The following EHBP1 variants were observed in gnomAD, a reference collection of about 807,000 sequenced individuals.
EHBP1 encodes EH domain-binding protein 1.
A neutral mutation model predicts 144.0 loss-of-function variants in EHBP1; 55 were observed. That is an observed-to-expected ratio of 0.38 (90% CI 0.31 to 0.48). EHBP1 has a LOEUF of 0.48. Among genes scored for constraint, EHBP1 ranks in the 20% least tolerant of loss-of-function variants. The pLI is 0.98. For synonymous variants in EHBP1, 469 were observed against 472.7 expected, an observed-to-expected ratio of 0.99 and a Z score of 0.10; for missense variants, 1,200 against 1,364.2, an observed-to-expected ratio of 0.88 and a Z score of 1.90.
intron 19 of EHBP1, among the ~76,000 whole-genome samples, chr2:63,012,281 A>G (rs1469499669): frequency 6.6e-6 from 1 of 152,060 alleles, no homozygotes; most frequent in African/African-American, 2.4e-5. Context: ...ACTGTGTCAT[A>G]TAGAAATGAT....
At position 62,996,693 on chromosome 2, in the gene EHBP1, A is replaced by G. The variant is rs751016844; in HGVS notation, c.3030A>G (p.Leu1010=). ...ATGTAGTAGGAGAATTGGCAGCACT[A>G]GAGAATGAGCAAAAGCAAATTGACA... The part of the protein sequence containing the change: ...SQYVVGELAA[L]ENEQKQIDTR... Residue 1010 remains leucine, a synonymous_variant, in exon 19 of 23, where the codon CTA becomes CTG. Transcript: ENST00000431489. The G allele has an allele frequency of 1.3e-5, 21 of 1,613,362 alleles. No homozygotes were observed. In the South Asian group the frequency reaches 2.1e-4, roughly 16 times the overall value.
In EHBP1 at chr2:62,948,693, C is replaced by T. The variant is rs2057209061; in HGVS notation, c.1847C>T (p.Thr616Ile). 2 of 1,614,012 alleles carry T rather than the reference C, an allele frequency of 1.2e-6. No homozygotes were observed. The highest frequency in any genetic ancestry group is 1.3e-5 in the African/African-American group (1 of 75,032). ...SPYCRRTKSD[T>I]EPQKSQQSSG... ...TACTGTCGCAGGACTAAAAGTGACA[C>T]AGAACCCCAGAAGTCTCAGCAGAGC... The change falls in exon 13 of 23, where the codon ACA becomes ATA. Residue 616 changes from threonine (T) to isoleucine (I), a missense_variant. This residue lies in a region of EHBP1 where 543 missense variants were observed against 513.1 expected (regional missense o/e 1.06). Transcript: ENST00000431489.
chr2:62,691,343 G>T (rs758953381), intron 1 of EHBP1, among the ~76,000 whole-genome samples: 2 of 152,160 alleles, frequency 1.3e-5, no homozygotes, highest in Admixed American at 6.5e-5. Context: ...GTCCAAGATA[G>T]TCGCTAAAGC....
upstream of EHBP1, among the ~76,000 whole-genome samples, chr2:62,704,654 T>G (rs1032137269): frequency 6.6e-6 from 1 of 152,232 alleles, no homozygotes; most frequent in African/African-American, 2.4e-5. Flanking sequence ...TCTTTCCCAT[T>G]TTACTCTGTT....
upstream of EHBP1, among the ~76,000 whole-genome samples, chr2:62,701,077 T>A (rs1572886541): frequency 6.6e-6 from 1 of 152,134 alleles, no homozygotes; most frequent in Admixed American, 6.5e-5. Context: ...TCTCATTACA[T>A]CCCCTCCAAG....
At chr2:63,044,279 A>AG (rs908844649) in intron 21 of EHBP1, 3 of 147,534 alleles carry the variant, frequency 2.0e-5, no homozygotes, top group African/African-American at 7.4e-5. Flanking sequence ...AAAAAAAAAA[A>AG]CGCCCCCCAT....
At position 62,996,676 on chromosome 2, in the gene EHBP1, G is replaced by A. The variant is rs1304729427; in HGVS notation, c.3013G>A (p.Gly1005Arg). Residue 1005 changes from glycine (G) to arginine (R), a missense_variant, in exon 19 of 23, where the codon GGA (glycine) becomes AGA (arginine). Coordinates refer to ENST00000431489, the MANE Select transcript of EHBP1 (RefSeq NM_001142616.3). ...GFKDTSQYVV[G>R]ELAALENEQK... ...CAAAGACACCAGTCAGTATGTAGTA[G>A]GAGAATTGGCAGCACTAGAGAATGA... The A allele has an allele frequency of 6.2e-7, 1 of 1,613,372 alleles. No homozygotes were observed. Among genetic ancestry groups the A allele is most frequent in the Non-Finnish European group, 8.5e-7 (1 of 1,179,600 alleles).
At chr2:62,696,858 C>A (rs1179209529) in intron 1 of EHBP1, among the ~76,000 whole-genome samples, 1 of 152,042 alleles carries the variant, frequency 6.6e-6, no homozygotes, top group Non-Finnish European at 1.5e-5. Flanking sequence ...AGAACACATA[C>A]AAGACAAAAA....
In EHBP1 at chr2:62,725,050, T is replaced by A. The variant is rs1349729935; in HGVS notation, c.104+17755T>A. ...AACTGACTTCATTTCTGGAAGATTT[T>A]AGGGGGCCAGTGCTCAGCTCCCAAC... On this transcript the variant is annotated intron_variant, in intron 2 of 22. Transcript: ENST00000431489. 2.6e-5 allele frequency among the ~76,000 whole-genome samples: 4 copies of A among 152,192 alleles called. No individual in the cohort carries two copies. In the East Asian group the frequency reaches 7.7e-4, roughly 29 times the overall value.
chr2:62,895,623 A>T (rs1264278918), intron 10 of EHBP1, among the ~76,000 whole-genome samples: 2 of 152,218 alleles, frequency 1.3e-5, no homozygotes, highest in Non-Finnish European at 2.9e-5. Flanking sequence ...ATCAGATTTC[A>T]ATAGAATGAA....
chr2:62,741,230 T>G (rs2152107451), intron 2 of EHBP1, among the ~76,000 whole-genome samples: 1 of 152,230 alleles, frequency 6.6e-6, no homozygotes, highest in South Asian at 2.1e-4. Flanking sequence ...GTTCTAGAGG[T>G]GAGAAGTATG....
upstream of EHBP1, chr2:62,705,627 A>T (rs1186697399): frequency 6.6e-6 from 1 of 151,958 alleles, no homozygotes; most frequent in East Asian, 1.9e-4. Flanking sequence ...CCGCTGTAAG[A>T]CCCGGCCGCC....
intron 21 of EHBP1, among the ~76,000 whole-genome samples, chr2:63,043,208 A>C (rs1035135851): frequency 1.3e-5 from 2 of 152,222 alleles, no homozygotes; most frequent in African/African-American, 4.8e-5. Context: ...AACCAGATTA[A>C]AAAATTTTCC....
At chr2:62,865,297 A>G (rs1573792807) in intron 9 of EHBP1, among the ~76,000 whole-genome samples, 1 of 152,306 alleles carries the variant, frequency 6.6e-6, no homozygotes, top group Non-Finnish European at 1.5e-5. Flanking sequence ...AACTCTGTAG[A>G]CATTAAACTT....
intron 10 of EHBP1, among the ~76,000 whole-genome samples, chr2:62,925,979 A>G (rs1668672281): frequency 6.6e-6 from 1 of 152,190 alleles, no homozygotes; most frequent in Non-Finnish European, 1.5e-5. Context: ...AGCTGGACGT[A>G]TAACACTACC....
At chr2:62,753,327 G>A (rs922651312) in intron 3 of EHBP1, among the ~76,000 whole-genome samples, 5 of 151,990 alleles carry the variant, frequency 3.3e-5, no homozygotes, top group Admixed American at 6.6e-5. Context: ...TTGAATATTG[G>A]CCCCCACTCT....
intron 14 of EHBP1, among the ~76,000 whole-genome samples, chr2:62,969,490 G>A (rs2058397195): frequency 1.3e-5 from 2 of 152,182 alleles, no homozygotes; most frequent in Admixed American, 1.3e-4. Flanking sequence ...AATTAAATAC[G>A]TTAGATGAAA....
At chr2:62,929,100 C>T (rs1246729598) in intron 10 of EHBP1, among the ~76,000 whole-genome samples, 1 of 152,050 alleles carries the variant, frequency 6.6e-6, no homozygotes, top group Non-Finnish European at 1.5e-5. Flanking sequence ...TCAAAAATCT[C>T]CCAAAAAAGA....
At chr2:62,719,465 T>C (rs768646178) in intron 2 of EHBP1, among the ~76,000 whole-genome samples, 1 of 152,128 alleles carries the variant, frequency 6.6e-6, no homozygotes, top group Non-Finnish European at 1.5e-5. Context: ...TCACAAACTG[T>C]GCCAAGGAGC....
Sources: gnomAD v4.1 joint callset for allele counts (sites outside exome capture counted in the v4.1 genomes callset) on GRCh38, gnomAD v4.1.1 for gene constraint, gnomAD v4.1.1 regional missense constraint, MANE v1.5 for transcripts, NCBI Gene and HGNC (gene_info 2026-07-23, HGNC 2026-07-21) for gene names.